Variants in DGKB observed in about 807,000 individuals in gnomAD.
DGKB encodes 90 kDa diacylglycerol kinase.
In DGKB, 67 loss-of-function variants were observed where a neutral mutation model predicts 114.3. That is an observed-to-expected ratio of 0.59 (90% CI 0.48 to 0.72). The LOEUF is 0.72. Ranked by LOEUF, DGKB falls within the 30% of genes least tolerant of loss-of-function variation. DGKB has a pLI of 0.00. For synonymous variants in DGKB, 398 were observed against 323.1 expected (o/e 1.23, Z -2.49); for missense variants, 907 against 975.2 (o/e 0.93, Z 0.93).
At chr7:14,284,067 G>A (rs1455046617) in intron 23 of DGKB, among the ~76,000 whole-genome samples, 1 of 152,090 alleles carries the variant, frequency 6.6e-6, no homozygotes, top group Non-Finnish European at 1.5e-5. Context: ...TACCATCAGA[G>A]TGAACAGGCA....
At position 14,942,491 on chromosome 7, in the gene DGKB, G is replaced by C. The variant is rs527961488; in HGVS notation, c.-188+32205C>G. 7.2e-4 allele frequency among the ~76,000 whole-genome samples: 109 copies of C among 151,832 alleles called. 1 individual carries two copies. Among genetic ancestry groups the C allele is most frequent in the African/African-American group, 2.5e-3 (104 of 41,442 alleles). On this transcript the variant is annotated intron_variant, in intron 1 of 4. Transcript: ENST00000437998. ...CTTTTATGTTTCTATGTTTTTACAA[G>C]TGGATGATTACGGTCATAGTCTCCT...
intron 4 of DGKB, among the ~76,000 whole-genome samples, chr7:14,741,307 T>G (rs1048103570): frequency 1.3e-5 from 2 of 152,170 alleles, no homozygotes; most frequent in Non-Finnish European, 2.9e-5. Context: ...GTAAAAGGAA[T>G]GGTAGGGATA....
chr7:14,859,327 T>C (rs1417762257), intron 1 of DGKB, among the ~76,000 whole-genome samples: 1 of 152,086 alleles, frequency 6.6e-6, no homozygotes, highest in East Asian at 1.9e-4. Flanking sequence ...CCTTTGTCAG[T>C]CTCAGTAATG....
At chr7:14,212,599 G>A (rs1024870147) in intron 23 of DGKB, among the ~76,000 whole-genome samples, 24 of 152,068 alleles carry the variant, frequency 1.6e-4, no homozygotes, top group African/African-American at 5.1e-4. Context: ...TCACCAATAC[G>A]GCTTCAATTG....
At chr7:14,840,177 T>G (rs1847725890) in intron 2 of DGKB, among the ~76,000 whole-genome samples, 1 of 152,200 alleles carries the variant, frequency 6.6e-6, no homozygotes, top group African/African-American at 2.4e-5. Context: ...CTGCATAAGT[T>G]GACCAGATGC....
In DGKB at chr7:14,816,939, T is replaced by G. The variant is rs10276124; in HGVS notation, c.70+24255A>C. Among the ~76,000 whole-genome samples the G allele has an allele frequency of 2.6e-3, 401 of 152,368 alleles. 2 individuals are homozygous for G. The highest frequency in any genetic ancestry group is 9.0e-3 in the African/African-American group (374 of 41,586). Reference sequence around the variant, plus strand: ...ACACACTAATATAAAAACTTGCAGATTATTAACACAGTTTTCTGTATGTAA... The same window carrying G: ...ACACACTAATATAAAAACTTGCAGAGTATTAACACAGTTTTCTGTATGTAA... On this transcript the variant is annotated intron_variant, in intron 2 of 25. Transcript: ENST00000402815.
intron 1 of DGKB, among the ~76,000 whole-genome samples, chr7:14,962,989 C>T (rs371956312): frequency 6.6e-6 from 1 of 152,080 alleles, no homozygotes; most frequent in East Asian, 1.9e-4. Context: ...CTTTCATTTT[C>T]TCTCTTCCGT....
intron 20 of DGKB, among the ~76,000 whole-genome samples, chr7:14,480,483 C>T (rs1009096066): frequency 6.6e-6 from 1 of 151,996 alleles, no homozygotes; most frequent in Non-Finnish European, 1.5e-5. Context: ...TGGCATAACC[C>T]CAAAGGGCTT....
intron 25 of DGKB, among the ~76,000 whole-genome samples, chr7:14,152,916 T>C (rs1433254682): frequency 6.6e-6 from 1 of 152,110 alleles, no homozygotes; most frequent in East Asian, 1.9e-4. Context: ...ACACACGTTA[T>C]TCAGGTGCCC....
At chr7:14,863,900 G>T (rs1478391590) in intron 1 of DGKB, among the ~76,000 whole-genome samples, 1 of 152,020 alleles carries the variant, frequency 6.6e-6, no homozygotes. Flanking sequence ...AGGAGTTCGA[G>T]ACCAGCCTGA....
At chr7:14,719,400 G>T (rs560473593) in intron 5 of DGKB, among the ~76,000 whole-genome samples, 141 of 131,334 alleles carry the variant, frequency 1.1e-3, no homozygotes, top group Non-Finnish European at 1.9e-3. Flanking sequence ...TAATCTAACC[G>T]AAATATGTTC....
rs181682184 is a variant in DGKB, at chr7:14,435,307, T to C, written c.1835+42854A>G. 4.0e-3 allele frequency among the ~76,000 whole-genome samples: 614 copies of C among 152,250 alleles called. 5 individuals are homozygous for C. Among genetic ancestry groups the C allele is most frequent in the African/African-American group, 0.014 (597 of 41,568 alleles). Reference sequence around the variant, plus strand: ...AGAAGAAAGGGAATCCCTGAGTTTTTATGTGATTTGAACAAAATACAGAGT... The same window carrying C: ...AGAAGAAAGGGAATCCCTGAGTTTTCATGTGATTTGAACAAAATACAGAGT... On this transcript the variant is annotated intron_variant, in intron 21 of 25. Transcript: ENST00000402815.
intron 21 of DGKB, among the ~76,000 whole-genome samples, chr7:14,461,099 C>G (rs1833007379): frequency 6.6e-6 from 1 of 152,142 alleles, no homozygotes; most frequent in Admixed American, 6.5e-5. Flanking sequence ...TCAGCTAAAG[C>G]ATTGTTTACA....
intron 21 of DGKB, among the ~76,000 whole-genome samples, chr7:14,414,714 G>C (rs1321413035): frequency 6.6e-6 from 1 of 151,864 alleles, no homozygotes; most frequent in Non-Finnish European, 1.5e-5. Context: ...TTTTTTTGTA[G>C]GTCCTGTGTA....
chr7:14,613,328 C>CA lies in DGKB; in HGVS notation c.1358+11dup, dbSNP rs1399561675. ...ACATGACATAGACACTAAAATCAATCAAAAAACATACCGTTCTCCTTGTTT... is the reference window on the plus strand; with the variant it reads ...ACATGACATAGACACTAAAATCAATCAAAAAAACATACCGTTCTCCTTGTTT... On this transcript the variant is annotated intron_variant, in intron 16 of 25. Coordinates refer to ENST00000402815, the MANE Select transcript of DGKB (RefSeq NM_001350709.2). 2.6e-6 allele frequency: 4 copies of CA among 1,538,258 alleles called. No homozygotes were observed. Among genetic ancestry groups the CA allele is most frequent in the Non-Finnish European group, 3.5e-6 (4 of 1,132,744 alleles).
intron 5 of DGKB, among the ~76,000 whole-genome samples, chr7:14,730,197 T>C (rs1457554531): frequency 6.6e-6 from 1 of 152,222 alleles, no homozygotes; most frequent in African/African-American, 2.4e-5. Context: ...ATAATTGCTG[T>C]TGATTGCTAT....
intron 13 of DGKB, among the ~76,000 whole-genome samples, chr7:14,657,452 C>T (rs1816085253): frequency 6.6e-6 from 1 of 151,766 alleles, no homozygotes; most frequent in Non-Finnish European, 1.5e-5. Context: ...TAAGTAATGA[C>T]ACTGATGAAA....
intron 21 of DGKB, among the ~76,000 whole-genome samples, chr7:14,457,358 T>C (rs1269373901): frequency 2.0e-5 from 3 of 152,140 alleles, no homozygotes; most frequent in Admixed American, 6.6e-5. Flanking sequence ...GGTAAAGTTA[T>C]TAAAATTACG....
chr7:14,476,850 GT>G (rs1563273526), intron 21 of DGKB, among the ~76,000 whole-genome samples: 1 of 151,362 alleles, frequency 6.6e-6, no homozygotes, highest in Admixed American at 6.6e-5. Context: ...CGCCTCCAGG[GT>G]TCAAACGATT....
Sources: gnomAD v4.1 joint callset for allele counts (sites outside exome capture counted in the v4.1 genomes callset) on GRCh38, gnomAD v4.1.1 for gene constraint, MANE v1.5 for transcripts, NCBI Gene and HGNC (gene_info 2026-07-23, HGNC 2026-07-21) for gene names.